The following ANGPT2 variants were observed in gnomAD, a reference collection of about 807,000 sequenced individuals.
ANGPT2 encodes angiopoietin 2.
ANGPT2 carries 28 observed loss-of-function variants against 62.9 expected under a neutral mutation model. That is an observed-to-expected ratio of 0.44 (90% CI 0.33 to 0.61). The LOEUF is 0.61. ANGPT2 is among the 20% of genes least tolerant of loss of function. The pLI, the probability that ANGPT2 is intolerant of heterozygous loss-of-function variation, is 0.03. For synonymous variants in ANGPT2, 284 were observed against 207.8 expected (o/e 1.37, Z -3.15); for missense variants, 727 against 594.9 (o/e 1.22, Z -2.31).
intron 1 of ANGPT2, among the ~76,000 whole-genome samples, chr8:6,536,355 G>A (rs564001301): frequency 2.3e-3 from 355 of 152,162 alleles, no homozygotes; most frequent in Non-Finnish European, 3.7e-3. Flanking sequence ...ATGACCCTCA[G>A]CAAAATGTTA....
chr8:6,514,582 G>A (rs1352871081), intron 6 of ANGPT2, 95 bp downstream of exon 6: 1 of 1,058,300 alleles, frequency 9.4e-7, no homozygotes, highest in Non-Finnish European at 1.4e-6. Flanking sequence ...AAAAGTCATT[G>A]GTTAGTTTGG....
At chr8:6,561,916 C>A (rs1825600073) in intron 1 of ANGPT2, among the ~76,000 whole-genome samples, 1 of 152,206 alleles carries the variant, frequency 6.6e-6, no homozygotes, top group Non-Finnish European at 1.5e-5. Context: ...GTCAGACAGA[C>A]CGTCCTGTCG....
rs1812013955 is a variant in ANGPT2, at chr8:6,500,764, G to C, written c.*2337C>G. Reference sequence around the variant, plus strand: ...CAAAACTGTTTGTTTGAAATACCGTGTAAGGAATTGAAGTGTAAAGTAAAA... The same window carrying C: ...CAAAACTGTTTGTTTGAAATACCGTCTAAGGAATTGAAGTGTAAAGTAAAA... On this transcript the variant is annotated 3_prime_UTR_variant, in exon 9 of 9. Transcript: ENST00000629816. The C allele has an allele frequency of 6.6e-6, 1 of 152,204 alleles. No individual in the cohort carries two copies. The highest frequency in any genetic ancestry group is 2.4e-5 in the African/African-American group (1 of 41,440). 9.4% of individuals were successfully genotyped at this position (152,204 alleles called of 1,614,324 possible).
intron 1 of ANGPT2, among the ~76,000 whole-genome samples, chr8:6,541,773 G>C (rs1414521195): frequency 6.6e-6 from 1 of 152,172 alleles, no homozygotes; most frequent in Non-Finnish European, 1.5e-5. Context: ...GGGGGCCAAG[G>C]TAGGAGGATC....
At position 6,506,964 on chromosome 8, in the gene ANGPT2, C is replaced by G. The variant is rs1267772249; in HGVS notation, c.1327+1968G>C. Among the ~76,000 whole-genome samples, 5 of 151,674 alleles carry G rather than the reference C, an allele frequency of 3.3e-5. 1 individual carries two copies. The highest frequency in any genetic ancestry group is 3.3e-4 in the Admixed American group (5 of 15,226). ...CCAGGCTGGATTGTACTGGTGCGATCTCGGCTCATTGCAAACTCTGTCTCC... is the reference window on the plus strand; with the variant it reads ...CCAGGCTGGATTGTACTGGTGCGATGTCGGCTCATTGCAAACTCTGTCTCC... On this transcript the variant is annotated intron_variant, in intron 8 of 8. Transcript: ENST00000629816.
rs1217697780 is a variant in ANGPT2 at position 6,505,420 on chromosome 8, CATAAAGAATATAT to C, written c.1328-2172_1328-2160del. On this transcript the variant is annotated intron_variant, in intron 8 of 8. Transcript: ENST00000629816. ...ATAGAATATATATATTCTTTATATA[CATAAAGAATATAT>C]ATATTCTTTATATACATATAGAATA... Among the ~76,000 whole-genome samples, 6 of 57,414 alleles carry C rather than the reference CATAAAGAATATAT, an allele frequency of 1.0e-4. 3 individuals carry two copies. Among genetic ancestry groups the C allele is most frequent in the African/African-American group, 3.6e-4 (6 of 16,466 alleles). The allele number at this position is 57,414 out of a possible 152,430, so 37.7% of individuals were successfully genotyped here. A position where few individuals can be genotyped will look rare whatever the true frequency, so the allele number is the denominator to read the frequency against.
At chr8:6,543,788 C>T (rs371928052) in intron 1 of ANGPT2, among the ~76,000 whole-genome samples, 18 of 152,182 alleles carry the variant, frequency 1.2e-4, no homozygotes, top group East Asian at 3.9e-4. Context: ...TTTAAAGCTG[C>T]GAGTTTTTTC....
At chr8:6,519,811 T>C in intron 5 of ANGPT2, 53 bp downstream of exon 5, 2 of 1,597,206 alleles carry the variant, frequency 1.3e-6, no homozygotes, top group South Asian at 2.3e-5. Context: ...CCTCACTCAC[T>C]AAAGTGGCCT....
At chr8:6,541,470 C>A (rs1465423712) in intron 1 of ANGPT2, among the ~76,000 whole-genome samples, 1 of 152,120 alleles carries the variant, frequency 6.6e-6, no homozygotes, top group East Asian at 1.9e-4. Flanking sequence ...TGGGGCAGGG[C>A]AGGCCTGGAG....
chr8:6,519,805 A>G (rs946768350), intron 5 of ANGPT2, 59 bp downstream of exon 5: 1 of 1,584,430 alleles, frequency 6.3e-7, no homozygotes, highest in Non-Finnish European at 8.6e-7. Flanking sequence ...CTGGTTCCTC[A>G]CTCACTAAAG....
intron 1 of ANGPT2, among the ~76,000 whole-genome samples, chr8:6,538,226 C>A (rs1447128401): frequency 1.3e-5 from 2 of 152,166 alleles, no homozygotes; most frequent in Non-Finnish European, 2.9e-5. Flanking sequence ...AAACATTTTA[C>A]TGTTGCCCAC....
intron 1 of ANGPT2, among the ~76,000 whole-genome samples, chr8:6,558,761 G>A (rs1369832968): frequency 6.6e-6 from 1 of 152,202 alleles, no homozygotes; most frequent in African/African-American, 2.4e-5. Flanking sequence ...AATCCAGTAT[G>A]TCAGACAACC....
chr8:6,558,842 A>G (rs941393970), intron 1 of ANGPT2, among the ~76,000 whole-genome samples: 14 of 152,202 alleles, frequency 9.2e-5, no homozygotes, highest in Non-Finnish European at 1.9e-4. Context: ...ATCCATATAG[A>G]GTAAACATGT....
intron 1 of ANGPT2, among the ~76,000 whole-genome samples, chr8:6,537,437 C>T (rs1335761134): frequency 6.6e-6 from 1 of 151,982 alleles, no homozygotes; most frequent in Non-Finnish European, 1.5e-5. Context: ...GCATGGTTTG[C>T]TGCTTAGTGT....
intron 1 of ANGPT2, among the ~76,000 whole-genome samples, chr8:6,536,336 A>G (rs187839331): frequency 1.3e-3 from 191 of 152,296 alleles, no homozygotes; most frequent in African/African-American, 4.4e-3. Context: ...TGCAGGGCTG[A>G]GCACTGGAAT....
At chr8:6,548,083 C>G (rs1235284579) in intron 1 of ANGPT2, among the ~76,000 whole-genome samples, 2 of 152,112 alleles carry the variant, frequency 1.3e-5, no homozygotes, top group Non-Finnish European at 2.9e-5. Flanking sequence ...TGAATCCCCC[C>G]TAGCGGAAGA....
intron 1 of ANGPT2, among the ~76,000 whole-genome samples, chr8:6,561,903 ACTGT>A (rs1825598670): frequency 6.6e-6 from 1 of 152,162 alleles, no homozygotes; most frequent in African/African-American, 2.4e-5. Context: ...CCAAGAACAA[ACTGT>A]CAGACAGACC....
At chr8:6,514,833 G>A (rs543030138) in intron 5 of ANGPT2, 55 bp from the exon 6 acceptor site, 34 of 1,472,406 alleles carry the variant, frequency 2.3e-5, no homozygotes, top group South Asian at 6.9e-5. Context: ...CCCCCCTTAC[G>A]TAGCAGAAGC....
At chr8:6,553,524 A>T (rs563329873) in intron 1 of ANGPT2, among the ~76,000 whole-genome samples, 1 of 152,312 alleles carries the variant, frequency 6.6e-6, no homozygotes, top group South Asian at 2.1e-4. Flanking sequence ...GAATCTGATC[A>T]TGTCCAAGAT....
Sources: gnomAD v4.1 joint callset for allele counts (sites outside exome capture counted in the v4.1 genomes callset) on GRCh38, gnomAD v4.1.1 for gene constraint, MANE v1.5 for transcripts, NCBI Gene and HGNC (gene_info 2026-07-23, HGNC 2026-07-21) for gene names.